Variants in PPP1R14C observed in about 807,000 individuals in gnomAD.
The protein encoded by PPP1R14C is protein phosphatase 1 regulatory inhibitor subunit 14C, also known as protein phosphatase 1 regulatory subunit 14C.
PPP1R14C carries 16 observed loss-of-function variants against 20.4 expected under a neutral mutation model. The observed-to-expected ratio is 0.78, with a 90% CI of 0.53 to 1.19. The LOEUF is 1.19. PPP1R14C is among the 50% of genes most tolerant of loss of function. The pLI is 0.00. For missense variants in PPP1R14C, 211 were observed against 220.1 expected (o/e 0.96, Z 0.26); for synonymous variants, 91 against 91.0 (o/e 1.00, Z 0.00).
intron 1 of PPP1R14C, among the ~76,000 whole-genome samples, chr6:150,200,734 G>T (rs893281807): frequency 6.2e-4 from 94 of 152,294 alleles, no homozygotes; most frequent in African/African-American, 2.1e-3. Context: ...TCCAGAAATG[G>T]CTAGTTACTC....
At chr6:150,214,537 CCTT>C (rs1338526801) in intron 1 of PPP1R14C, among the ~76,000 whole-genome samples, 1 of 151,286 alleles carries the variant, frequency 6.6e-6, no homozygotes, top group Non-Finnish European at 1.5e-5. Flanking sequence ...CTGTCTTTTC[CCTT>C]CTTCTCCTCT....
intron 1 of PPP1R14C, among the ~76,000 whole-genome samples, chr6:150,179,182 C>G (rs11960980): frequency 1.3e-5 from 2 of 152,002 alleles, no homozygotes; most frequent in Admixed American, 6.6e-5. Flanking sequence ...AAGCTAGGGG[C>G]GCTGCTTGAG....
chr6:150,225,867 G>A (rs978364045), intron 3 of PPP1R14C, among the ~76,000 whole-genome samples: 1 of 152,158 alleles, frequency 6.6e-6, no homozygotes, highest in Non-Finnish European at 1.5e-5. Context: ...AGTAATGCTT[G>A]CCTATCACAT....
At chr6:150,188,442 G>A (rs569615215) in intron 1 of PPP1R14C, among the ~76,000 whole-genome samples, 5 of 151,874 alleles carry the variant, frequency 3.3e-5, no homozygotes, top group South Asian at 4.2e-4. Context: ...CGGGTCCTGC[G>A]GAAGATTGAT....
chr6:150,197,403 G>C (rs1777818193), intron 1 of PPP1R14C, among the ~76,000 whole-genome samples: 1 of 152,230 alleles, frequency 6.6e-6, no homozygotes, highest in Non-Finnish European at 1.5e-5. Context: ...CAGAGCTCTG[G>C]CTCCAGAGGG....
chr6:150,200,509 G>A (rs1777864143), intron 1 of PPP1R14C, among the ~76,000 whole-genome samples: 2 of 152,116 alleles, frequency 1.3e-5, no homozygotes, highest in South Asian at 4.2e-4. Flanking sequence ...TCTGGGGAGT[G>A]CTCCTTTTCC....
In PPP1R14C at chr6:150,149,443, A is replaced by ATTTTTT. The variant is rs1216146263; in HGVS notation, c.306+5951_306+5956dup. 1.9e-4 allele frequency among the ~76,000 whole-genome samples: 23 copies of ATTTTTT among 119,948 alleles called. 1 individual carries two copies. The highest frequency in any genetic ancestry group is 7.3e-4 in the African/African-American group (22 of 30,310). 78.7% of individuals were successfully genotyped at this position (119,948 alleles called of 152,430 possible). ...CAGGCTCAAGTGATCCTCCCACCTA[A>ATTTTTT]TTTTTTTTTTTCTTTTTTTTTTTTT... is the stretch of plus-strand genomic sequence containing the variant. On this transcript the variant is annotated intron_variant, in intron 1 of 3. Coordinates refer to ENST00000361131, the MANE Select transcript of PPP1R14C (RefSeq NM_030949.3).
At chr6:150,211,501 G>A (rs530302415) in intron 1 of PPP1R14C, among the ~76,000 whole-genome samples, 2 of 152,286 alleles carry the variant, frequency 1.3e-5, no homozygotes, top group South Asian at 2.1e-4. Flanking sequence ...GCTCTGGGAC[G>A]TCATGGTGGG....
chr6:150,195,283 T>C (rs1042077338), intron 1 of PPP1R14C: 21 of 489,582 alleles, frequency 4.3e-5, no homozygotes, highest in Non-Finnish European at 5.6e-5. Flanking sequence ...AAAAAATAAA[T>C]GAAATGCAGT....
intron 3 of PPP1R14C, among the ~76,000 whole-genome samples, chr6:150,236,754 T>C (rs902976793): frequency 6.6e-6 from 1 of 152,122 alleles, no homozygotes; most frequent in African/African-American, 2.4e-5. Flanking sequence ...TCCTTTGTAG[T>C]CCCTTGAGAC....
chr6:150,176,937 G>A (rs1321305981), intron 1 of PPP1R14C, among the ~76,000 whole-genome samples: 1 of 152,176 alleles, frequency 6.6e-6, no homozygotes, highest in Non-Finnish European at 1.5e-5. Context: ...ATTTAGGGCC[G>A]GTCCCACCCT....
Position 150,144,399 on chromosome 6 carries a change from C to T in PPP1R14C, c.306+901C>T, listed in dbSNP as rs192974886. On this transcript the variant is annotated intron_variant, in intron 1 of 3. Coordinates refer to ENST00000361131, the MANE Select transcript of PPP1R14C (RefSeq NM_030949.3). ...ATATGTAGAATAAACTGCAGCAAAA[C>T]GACTGAAGCCAAAATGATCTCTCAT... Among the ~76,000 whole-genome samples, 8 of 152,126 alleles carry T rather than the reference C, an allele frequency of 5.3e-5. No individual in the cohort carries two copies. The East Asian group carries it at 1.4e-3, about 26-fold the overall frequency.
Position 150,145,746 on chromosome 6 carries a change from TA to T in PPP1R14C, c.306+2252del, listed in dbSNP as rs1339859608. ...GATTAGGAAATGTCCTTTTTATACT[TA>T]AAAGTGGTAATTCTTTCAAATGTTT... On this transcript the variant is annotated intron_variant, in intron 1 of 3. Coordinates refer to ENST00000361131, the MANE Select transcript of PPP1R14C (RefSeq NM_030949.3). Among the ~76,000 whole-genome samples, 3 of 152,326 alleles carry T rather than the reference TA, an allele frequency of 2.0e-5. No homozygotes were observed. In the East Asian group the frequency reaches 5.8e-4, roughly 29 times the overall value.
chr6:150,237,828 C>T (rs1778381930), intron 3 of PPP1R14C, among the ~76,000 whole-genome samples: 1 of 152,196 alleles, frequency 6.6e-6, no homozygotes, highest in South Asian at 2.1e-4. Flanking sequence ...TGTGGCTACA[C>T]TGCTTCTTAC....
At chr6:150,217,858 G>A (rs1050088106) in intron 3 of PPP1R14C, among the ~76,000 whole-genome samples, 2 of 152,164 alleles carry the variant, frequency 1.3e-5, no homozygotes, top group Non-Finnish European at 2.9e-5. Flanking sequence ...AAGGGGGGAG[G>A]AAAGCATGCT....
intron 1 of PPP1R14C, among the ~76,000 whole-genome samples, chr6:150,158,468 T>C (rs1400823312): frequency 2.6e-5 from 4 of 152,214 alleles, no homozygotes; most frequent in African/African-American, 9.6e-5. Context: ...AGAATTACCT[T>C]TCTGCAATGG....
At chr6:150,238,674 A>G (rs1302742444) in intron 3 of PPP1R14C, among the ~76,000 whole-genome samples, 1 of 152,248 alleles carries the variant, frequency 6.6e-6, no homozygotes, top group Non-Finnish European at 1.5e-5. Context: ...CCTGGAAGGC[A>G]GGGCCTCTGC....
At chr6:150,188,399 C>T (rs142989206) in intron 1 of PPP1R14C, among the ~76,000 whole-genome samples, 24 of 152,048 alleles carry the variant, frequency 1.6e-4, no homozygotes, top group East Asian at 7.7e-4. Flanking sequence ...TTAAAAAGAC[C>T]CTTCTGTGCT....
intron 3 of PPP1R14C, among the ~76,000 whole-genome samples, chr6:150,240,814 C>T (rs1053030060): frequency 6.6e-6 from 1 of 152,186 alleles, no homozygotes. Context: ...TGCCTCCAGA[C>T]CCTATTCTCC....
Sources: gnomAD v4.1 joint callset for allele counts (sites outside exome capture counted in the v4.1 genomes callset) on GRCh38, gnomAD v4.1.1 for gene constraint, MANE v1.5 for transcripts, NCBI Gene and HGNC (gene_info 2026-07-23, HGNC 2026-07-21) for gene names.